The following PLEKHG1 variants were observed in gnomAD, a reference collection of about 807,000 sequenced individuals.
The protein encoded by PLEKHG1 is pleckstrin homology domain-containing family G member 1.
PLEKHG1 carries 44 observed loss-of-function variants against 100.8 expected under a neutral mutation model. The ratio of observed to expected loss-of-function variants is 0.44; its 90% CI spans 0.34 to 0.56. The LOEUF (loss-of-function observed/expected upper bound fraction) is 0.56. PLEKHG1 is among the 20% of genes least tolerant of loss of function. The probability of loss-of-function intolerance (pLI) is 0.01; values close to 1 mark genes in which losing one functional copy is unlikely to be tolerated. For synonymous variants in PLEKHG1, 640 were observed against 662.5 expected, an observed-to-expected ratio of 0.97 and a Z score of 0.52; for missense variants, 1,545 against 1,720.9, an observed-to-expected ratio of 0.90 and a Z score of 1.81.
chr6:150,832,969 G>T (rs1159585858), intron 15 of PLEKHG1, among the ~76,000 whole-genome samples: 1 of 150,334 alleles, frequency 6.7e-6, no homozygotes, highest in Non-Finnish European at 1.5e-5. Flanking sequence ...GAGCCACCAC[G>T]CCAGCCATTG....
At chr6:150,682,105 AC>A (rs757161608) in intron 3 of PLEKHG1, among the ~76,000 whole-genome samples, 2 of 152,004 alleles carry the variant, frequency 1.3e-5, no homozygotes, top group Non-Finnish European at 2.9e-5. Flanking sequence ...TTAGGCTAAG[AC>A]CACCTTGTTG....
intron 2 of PLEKHG1, among the ~76,000 whole-genome samples, chr6:150,749,444 C>G (rs1022334114): frequency 1.6e-4 from 25 of 152,160 alleles, no homozygotes; most frequent in African/African-American, 4.8e-4. Context: ...AGGTCACTTC[C>G]TTGGTAATGT....
chr6:150,786,179 T>G (rs949027449), intron 3 of PLEKHG1, among the ~76,000 whole-genome samples: 1 of 152,192 alleles, frequency 6.6e-6, no homozygotes, highest in Admixed American at 6.5e-5. Flanking sequence ...GGGAGAGTTA[T>G]GGGTTCAACC....
chr6:150,762,418 C>G (rs9383841), intron 2 of PLEKHG1, among the ~76,000 whole-genome samples: 1 of 151,302 alleles, frequency 6.6e-6, no homozygotes, highest in Non-Finnish European at 1.5e-5. Context: ...AGGCTGGTTT[C>G]GAGCTGCTGA....
intron 1 of PLEKHG1, among the ~76,000 whole-genome samples, chr6:150,621,598 C>T (rs147530422): frequency 0.075 from 11,411 of 152,206 alleles, 533 homozygotes; most frequent in Non-Finnish European, 0.1. Flanking sequence ...TAGTCTTGAA[C>T]TCCTGACCTC....
Position 150,809,445 on chromosome 6 carries a change from A to AC in PLEKHG1, c.1161dup (p.Lys388GlnfsTer39). On this transcript the variant is annotated frameshift_variant, in exon 9 of 16. Coordinates refer to ENST00000358517, the Ensembl canonical transcript of PLEKHG1. LOFTEE classifies it high-confidence loss of function. ...CCGCTCAGCTTCAGCGTCTTCCACT[A>AC]CAAGAATCCCAAGCTGCAGCACACA... 6.2e-7 allele frequency: 1 copy of AC among 1,613,892 alleles called. No individual in the cohort carries two copies.
Position 150,804,751 on chromosome 6 carries a change from C to T in PLEKHG1, c.912+10C>T, listed in dbSNP as rs542849614. The T allele has an allele frequency of 2.8e-5, 45 of 1,610,094 alleles. No individual in the cohort carries two copies. Among genetic ancestry groups the T allele is most frequent in the East Asian group, 2.2e-4 (10 of 44,824 alleles). ...CGCGGTCCGGTTACAGGTGAGCCCG[C>T]GAGGTGTCGGTGCCCGGCAGGGTTG... On this transcript the variant is annotated intron_variant, in intron 7 of 15. Coordinates refer to ENST00000358517, the Ensembl canonical transcript of PLEKHG1.
chr6:150,721,836 A>G (rs1781688160), intron 1 of PLEKHG1, among the ~76,000 whole-genome samples: 1 of 152,198 alleles, frequency 6.6e-6, no homozygotes, highest in South Asian at 2.1e-4. Context: ...TGGCTTCATT[A>G]TTTGAATTTA....
intron 1 of PLEKHG1, among the ~76,000 whole-genome samples, chr6:150,732,048 G>A (rs1049365831): frequency 2.7e-5 from 4 of 147,618 alleles, no homozygotes; most frequent in African/African-American, 7.5e-5. Context: ...TGCAAGCTCC[G>A]CCTCCCGGGT....
chr6:150,660,772 T>A (rs1779153651), intron 3 of PLEKHG1, among the ~76,000 whole-genome samples: 2 of 152,224 alleles, frequency 1.3e-5, no homozygotes, highest in African/African-American at 4.8e-5. Flanking sequence ...TGTAGGTAAG[T>A]CTCACCTGCC....
At chr6:150,825,187 A>C (rs1304379772) in intron 14 of PLEKHG1, among the ~76,000 whole-genome samples, 3 of 152,204 alleles carry the variant, frequency 2.0e-5, no homozygotes, top group African/African-American at 7.2e-5. Context: ...AAGAAAGAAA[A>C]CATCCATGCT....
At chr6:150,713,428 T>C (rs1781310148) in intron 3 of PLEKHG1, among the ~76,000 whole-genome samples, 1 of 152,174 alleles carries the variant, frequency 6.6e-6, no homozygotes, top group African/African-American at 2.4e-5. Flanking sequence ...ACCAAGTGAA[T>C]ATCAGTGCAA....
chr6:150,617,225 T>C (rs1454799316), intron 1 of PLEKHG1, among the ~76,000 whole-genome samples: 1 of 152,274 alleles, frequency 6.6e-6, no homozygotes, highest in Admixed American at 6.5e-5. Flanking sequence ...GAATCCATTA[T>C]GCTTCACTGA....
intron 2 of PLEKHG1, among the ~76,000 whole-genome samples, chr6:150,755,877 A>G (rs1783809627): frequency 6.6e-6 from 1 of 152,082 alleles, no homozygotes; most frequent in African/African-American, 2.4e-5. Flanking sequence ...TAATGTTTTT[A>G]TTAAAGATTT....
intron 14 of PLEKHG1, chr6:150,828,017 C>G (rs1480408950): frequency 1.3e-5 from 21 of 1,612,940 alleles, no homozygotes; most frequent in Non-Finnish European, 1.5e-5. Flanking sequence ...TCATCTTGCA[C>G]CTTTACAAAC....
intron 3 of PLEKHG1, among the ~76,000 whole-genome samples, chr6:150,711,417 G>T (rs1039479254): frequency 1.3e-5 from 2 of 152,134 alleles, no homozygotes; most frequent in Non-Finnish European, 2.9e-5. Flanking sequence ...AAATAATTAA[G>T]GAACTACAAA....
At position 150,797,444 on chromosome 6, in the gene PLEKHG1, G is replaced by A. The variant is rs559044639; in HGVS notation, c.629+1542G>A. 1.6e-3 allele frequency among the ~76,000 whole-genome samples: 237 copies of A among 152,286 alleles called. No homozygotes were observed. In the Middle Eastern group the frequency reaches 0.027, roughly 17 times the overall value. ...AGAGCTACTCAAGAGGCTGAGGCAG[G>A]AGGATAGCTTGAGCCCAGGAGTTTG... On this transcript the variant is annotated intron_variant, in intron 5 of 15. Coordinates refer to ENST00000358517, the Ensembl canonical transcript of PLEKHG1.
chr6:150,722,599 G>A (rs1018348051), intron 1 of PLEKHG1, among the ~76,000 whole-genome samples: 28 of 152,186 alleles, frequency 1.8e-4, no homozygotes, highest in East Asian at 3.9e-4. Flanking sequence ...TGATCCGCCC[G>A]CCTTGGGCTC....
chr6:150,611,811 C>CAAAAAAA (rs35351890), intron 1 of PLEKHG1, among the ~76,000 whole-genome samples: 3 of 121,578 alleles, frequency 2.5e-5, no homozygotes, highest in Admixed American at 8.2e-5. Flanking sequence ...GACTCCATCT[C>CAAAAAAA]AAAAAAAAAA....
Sources: gnomAD v4.1 joint callset for allele counts (sites outside exome capture counted in the v4.1 genomes callset) on GRCh38, gnomAD v4.1.1 for gene constraint, MANE v1.5 for transcripts, NCBI Gene and HGNC (gene_info 2026-07-23, HGNC 2026-07-21) for gene names.